Variants in RBPJ observed in about 807,000 individuals in gnomAD.
RBPJ encodes recombining binding protein suppressor of hairless.
Under a neutral mutation model 67.8 loss-of-function variants are expected in RBPJ, and 9 were observed. The ratio of observed to expected loss-of-function variants is 0.13; its 90% CI spans 0.08 to 0.23. The LOEUF (loss-of-function observed/expected upper bound fraction) is 0.23. RBPJ is among the 10% of genes least tolerant of loss of function. The pLI is 1.00. For missense variants in RBPJ, 305 were observed against 595.6 expected (o/e 0.51, Z 5.08); for synonymous variants, 198 against 203.3 (o/e 0.97, Z 0.22).
the RBPJ span, among the ~76,000 whole-genome samples, chr4:26,155,087 AAACAAC>A: frequency 6.6e-6 from 1 of 152,212 alleles, no homozygotes; most frequent in Non-Finnish European, 1.5e-5. Context: ...AGGAAAATGT[AAACAAC>A]TTCAAATACT....
chr4:26,318,144 C>T (rs1722723278), upstream of RBPJ, among the ~76,000 whole-genome samples: 1 of 152,090 alleles, frequency 6.6e-6, no homozygotes. Context: ...CACACACACA[C>T]ACACACCCCT....
chr4:26,186,954 A>G (rs1717288375), intron 1 of RBPJ, among the ~76,000 whole-genome samples: 2 of 152,106 alleles, frequency 1.3e-5, no homozygotes, highest in African/African-American at 4.8e-5. Flanking sequence ...GGCGCAGTGG[A>G]CCACGCCTGT....
At chr4:26,333,772 C>T (rs1724498477) in intron 1 of RBPJ, among the ~76,000 whole-genome samples, 1 of 152,072 alleles carries the variant, frequency 6.6e-6, no homozygotes, top group African/African-American at 2.4e-5. Context: ...TCACTGTAGC[C>T]TCGACCTCCC....
the RBPJ span, among the ~76,000 whole-genome samples, chr4:26,125,483 G>T: frequency 6.6e-6 from 1 of 152,178 alleles, no homozygotes; most frequent in Non-Finnish European, 1.5e-5. Context: ...CAGCCAAAAA[G>T]ATATCTGGAA....
At chr4:26,155,882 C>T in the RBPJ span, among the ~76,000 whole-genome samples, 32 of 152,230 alleles carry the variant, frequency 2.1e-4, no homozygotes, top group African/African-American at 2.9e-4. Flanking sequence ...TCTCCAATCA[C>T]GAAATTGACC....
chr4:26,301,638 G>A (rs893885106), intron 1 of RBPJ, among the ~76,000 whole-genome samples: 1 of 151,258 alleles, frequency 6.6e-6, no homozygotes, highest in African/African-American at 2.4e-5. Flanking sequence ...CATGCATGCA[G>A]TAAATACATG....
chr4:26,212,652 G>A (rs1417409992), intron 1 of RBPJ, among the ~76,000 whole-genome samples: 1 of 151,908 alleles, frequency 6.6e-6, no homozygotes, highest in African/African-American at 2.4e-5. Context: ...GACCTACCTT[G>A]TCTGATTGTG....
intron 1 of RBPJ, among the ~76,000 whole-genome samples, chr4:26,309,511 A>G (rs1577412271): frequency 6.6e-6 from 1 of 152,226 alleles, no homozygotes; most frequent in African/African-American, 2.4e-5. Context: ...ACCCTATGCA[A>G]TAGGTTTCAT....
Position 26,272,841 on chromosome 4 carries a change from C to A in RBPJ, c.-166-89605C>A, listed in dbSNP as rs999055583. The A allele has an allele frequency of 8.6e-5, 29 of 336,052 alleles. 1 individual carries two copies. The highest frequency in any genetic ancestry group is 5.0e-4 in the South Asian group (21 of 41,902). The allele number at this position is 336,052 out of a possible 1,614,324, so 20.8% of individuals were successfully genotyped here. Reference sequence around the variant, plus strand: ...TGCATAATGTACTCATTGTTTAAAACCATACATTGCGCAGAAAGCTGTGGT... The same window carrying A: ...TGCATAATGTACTCATTGTTTAAAAACATACATTGCGCAGAAAGCTGTGGT... On this transcript the variant is annotated intron_variant, in intron 1 of 4. Transcript: ENST00000512351.
the RBPJ span, among the ~76,000 whole-genome samples, chr4:26,105,641 T>C: frequency 6.6e-6 from 1 of 152,094 alleles, no homozygotes; most frequent in African/African-American, 2.4e-5. Flanking sequence ...ATTCTACTAA[T>C]GACTAGAACC....
At chr4:26,266,568 G>A (rs111405499) in intron 1 of RBPJ, among the ~76,000 whole-genome samples, 277 of 152,204 alleles carry the variant, frequency 1.8e-3, no homozygotes, top group African/African-American at 6.4e-3. Flanking sequence ...GGTATAGGGA[G>A]GGCACTTCTT....
intron 1 of RBPJ, among the ~76,000 whole-genome samples, chr4:26,349,187 C>T (rs779875038): frequency 6.6e-6 from 1 of 152,074 alleles, no homozygotes; most frequent in Non-Finnish European, 1.5e-5. Context: ...CCCACCTCAC[C>T]CTCCTGAGTA....
chr4:26,347,503 A>G (rs151071981), intron 1 of RBPJ, among the ~76,000 whole-genome samples: 33 of 152,318 alleles, frequency 2.2e-4, no homozygotes, highest in Admixed American at 1.1e-3. Context: ...AGTGGTGTCA[A>G]ATGCTGCAGT....
In RBPJ at chr4:26,406,110, GTAA is replaced by G. The variant is rs1733377629; in HGVS notation, c.60-63_60-61del. On this transcript the variant is annotated intron_variant, in intron 2 of 10. Transcript: ENST00000355476. ...AGCATTCCTCTCATTACAGAGCGTA[GTAA>G]TGATGAAAGATTTCATCAAGAATTT... 3.9e-6 allele frequency: 4 copies of G among 1,038,018 alleles called. No individual in the cohort carries two copies. The Admixed American group carries it at 5.3e-5, about 14-fold the overall frequency. The allele number at this position is 1,038,018 out of a possible 1,614,324, so 64.3% of individuals were successfully genotyped here.
At chr4:26,319,777 G>A (rs1722826529), upstream of RBPJ, 1 of 1,191,324 alleles carries the variant, frequency 8.4e-7, no homozygotes, top group Non-Finnish European at 1.3e-6. Flanking sequence ...ACAGGTTTCG[G>A]GCGGCGAATT....
intron 3 of RBPJ, among the ~76,000 whole-genome samples, chr4:26,412,747 G>A (rs1207349858): frequency 6.6e-6 from 1 of 152,126 alleles, no homozygotes; most frequent in Non-Finnish European, 1.5e-5. Context: ...AACAGGAGAT[G>A]TGTTTCCAAA....
chr4:26,226,655 T>C (rs1036461272), intron 1 of RBPJ, among the ~76,000 whole-genome samples: 2 of 152,214 alleles, frequency 1.3e-5, no homozygotes, highest in Non-Finnish European at 2.9e-5. Context: ...TAAGATCCAA[T>C]AGGCATGTAA....
At chr4:26,425,392 G>A (rs1393208018) in intron 7 of RBPJ, among the ~76,000 whole-genome samples, 2 of 152,166 alleles carry the variant, frequency 1.3e-5, no homozygotes, top group Non-Finnish European at 2.9e-5. Flanking sequence ...GGCATCACTT[G>A]AGCTCAGGAG....
intron 1 of RBPJ, among the ~76,000 whole-genome samples, chr4:26,379,041 A>T (rs1374915372): frequency 6.6e-6 from 1 of 152,162 alleles, no homozygotes; most frequent in African/African-American, 2.4e-5. Context: ...AAAATAAATA[A>T]ATAAAATAAA....
Sources: allele counts gnomAD v4.1 joint callset (sites outside exome capture counted in the v4.1 genomes callset), GRCh38; gene constraint gnomAD v4.1.1; transcripts MANE v1.5; gene names NCBI Gene and HGNC (gene_info 2026-07-23, HGNC 2026-07-21).